Variants in PHACTR1 observed in about 807,000 individuals in gnomAD.
The protein encoded by PHACTR1 is phosphatase and actin regulator 1, also known as RPEL repeat containing 1.
PHACTR1 carries 16 observed loss-of-function variants against 69.2 expected under a neutral mutation model. The observed-to-expected ratio is 0.23, with a 90% CI of 0.16 to 0.35. The LOEUF (loss-of-function observed/expected upper bound fraction) is 0.35. PHACTR1 is among the 10% of genes least tolerant of loss of function. The probability of loss-of-function intolerance (pLI) is 1.00; values close to 1 mark genes in which losing one functional copy is unlikely to be tolerated. For synonymous variants in PHACTR1, 312 were observed against 284.5 expected (o/e 1.10, Z -0.97); for missense variants, 510 against 734.7 (o/e 0.69, Z 3.54).
At chr6:13,111,833 C>G (rs1817087241) in intron 5 of PHACTR1, among the ~76,000 whole-genome samples, 1 of 152,022 alleles carries the variant, frequency 6.6e-6, no homozygotes, top group African/African-American at 2.4e-5. Context: ...CCATATTTCC[C>G]TTTGATTTTC....
At chr6:12,718,904 G>C (rs974171614) in intron 3 of PHACTR1, 57 bp downstream of exon 3, 9 of 1,046,200 alleles carry the variant, frequency 8.6e-6, no homozygotes, top group Non-Finnish European at 1.3e-5. Flanking sequence ...TATATGAACA[G>C]CCATGTAGGC....
intron 6 of PHACTR1, among the ~76,000 whole-genome samples, chr6:13,170,854 G>C (rs1002098220): frequency 6.6e-6 from 1 of 152,104 alleles, no homozygotes; most frequent in Non-Finnish European, 1.5e-5. Flanking sequence ...CCTTCTCACT[G>C]TTCCCAGGCC....
chr6:13,048,945 T>C (rs938579315), intron 4 of PHACTR1, among the ~76,000 whole-genome samples: 3 of 152,192 alleles, frequency 2.0e-5, no homozygotes, highest in Non-Finnish European at 4.4e-5. Flanking sequence ...ATCAAATTAA[T>C]TGGAGAAAAA....
Position 13,231,135 on chromosome 6 carries a change from A to AAG in PHACTR1, c.1391+946_1391+947dup, listed in dbSNP as rs1487966873. On this transcript the variant is annotated intron_variant, in intron 10 of 14. Transcript: ENST00000332995. ...AAGGAAAGAGAGAAAGAAAGAAGGA[A>AAG]AGAGAAAGAAAGAAGGAAAGAGAAA... 1.6e-4 allele frequency among the ~76,000 whole-genome samples: 21 copies of AAG among 134,858 alleles called. 1 individual carries two copies. The highest frequency in any genetic ancestry group is 6.6e-4 in the African/African-American group (19 of 28,662). The allele number at this position is 134,858 out of a possible 152,430, so 88.5% of individuals were successfully genotyped here.
intron 7 of PHACTR1, chr6:13,184,746 C>A: frequency 7.5e-7 from 1 of 1,327,230 alleles, no homozygotes; most frequent in African/African-American, 1.5e-5. Flanking sequence ...GCTGGCCCCG[C>A]CTGCACTGCG....
intron 4 of PHACTR1, among the ~76,000 whole-genome samples, chr6:12,891,424 A>G (rs2127469159): frequency 6.6e-6 from 1 of 152,318 alleles, no homozygotes; most frequent in South Asian, 2.1e-4. Context: ...TTTCTTATAA[A>G]TATGGTGCTG....
At chr6:13,136,324 T>C (rs767370600) in intron 5 of PHACTR1, among the ~76,000 whole-genome samples, 30 of 152,252 alleles carry the variant, frequency 2.0e-4, no homozygotes, top group Non-Finnish European at 4.0e-4. Flanking sequence ...GACAGCTTCT[T>C]TCCTTAAAAC....
chr6:12,836,659 T>A (rs1237427145), intron 4 of PHACTR1, among the ~76,000 whole-genome samples: 1 of 152,194 alleles, frequency 6.6e-6, no homozygotes, highest in Non-Finnish European at 1.5e-5. Context: ...CATTCAGCAT[T>A]AATTGCTAGG....
intron 5 of PHACTR1, among the ~76,000 whole-genome samples, chr6:13,138,265 A>G (rs1165298000): frequency 6.6e-6 from 1 of 152,196 alleles, no homozygotes; most frequent in Non-Finnish European, 1.5e-5. Context: ...ATTACATGTC[A>G]AAGAGATGGC....
At chr6:12,966,106 G>A (rs1013193167) in intron 4 of PHACTR1, among the ~76,000 whole-genome samples, 4 of 152,134 alleles carry the variant, frequency 2.6e-5, no homozygotes, top group Admixed American at 2.6e-4. Flanking sequence ...GGGTGCAGGA[G>A]GACCCTGAAG....
chr6:12,925,722 C>G (rs1454367097), intron 4 of PHACTR1, among the ~76,000 whole-genome samples: 1 of 152,166 alleles, frequency 6.6e-6, no homozygotes, highest in Non-Finnish European at 1.5e-5. Context: ...ACTGATATTA[C>G]AGAAAGCCCA....
At chr6:13,051,323 A>G (rs982904528) in intron 4 of PHACTR1, among the ~76,000 whole-genome samples, 1 of 152,170 alleles carries the variant, frequency 6.6e-6, no homozygotes, top group African/African-American at 2.4e-5. Flanking sequence ...AGCATCTGGT[A>G]CAGAGTGGGC....
chr6:13,003,454 G>A (rs576249878), intron 4 of PHACTR1, among the ~76,000 whole-genome samples: 39 of 152,046 alleles, frequency 2.6e-4, no homozygotes, highest in Admixed American at 1.2e-3. Flanking sequence ...TCTATAAATT[G>A]AAAAGATAGA....
chr6:13,083,777 A>G (rs1227767551), intron 5 of PHACTR1, among the ~76,000 whole-genome samples: 6 of 152,006 alleles, frequency 3.9e-5, no homozygotes, highest in Admixed American at 3.3e-4. Context: ...AATGCTTGTG[A>G]TTTTTGTACA....
At chr6:12,956,242 C>G (rs1791883295) in intron 4 of PHACTR1, among the ~76,000 whole-genome samples, 1 of 152,202 alleles carries the variant, frequency 6.6e-6, no homozygotes, top group African/African-American at 2.4e-5. Flanking sequence ...GAGAGCTATG[C>G]AGATAGTTCA....
intron 4 of PHACTR1, among the ~76,000 whole-genome samples, chr6:12,861,126 A>G (rs937215493): frequency 2.6e-5 from 4 of 152,244 alleles, no homozygotes; most frequent in Non-Finnish European, 5.9e-5. Context: ...ACCAAAATGT[A>G]AACATTTTTG....
intron 6 of PHACTR1, among the ~76,000 whole-genome samples, chr6:13,178,667 T>C (rs971589903): frequency 6.6e-6 from 1 of 152,246 alleles, no homozygotes; most frequent in African/African-American, 2.4e-5. Context: ...TGCATTTTAC[T>C]AATTCTAATA....
chr6:12,931,549 G>C (rs1057310882), intron 4 of PHACTR1, among the ~76,000 whole-genome samples: 2 of 151,996 alleles, frequency 1.3e-5, no homozygotes, highest in Admixed American at 1.3e-4. Flanking sequence ...CATACTGTGG[G>C]GCATTGCTTA....
rs139873349 is a variant in PHACTR1 at position 12,806,749 on chromosome 6, G to T, written c.250+56959G>T. 5.1e-3 allele frequency among the ~76,000 whole-genome samples: 770 copies of T among 152,022 alleles called. 4 individuals carry two copies. The highest frequency in any genetic ancestry group is 0.018 in the African/African-American group (728 of 41,428). On this transcript the variant is annotated intron_variant, in intron 4 of 14. Transcript: ENST00000332995. Reference sequence around the variant, plus strand: ...AATAATTTTTTTATAAAACAGATCTGCATTATACATTTTCACCAGTAATAG... The same window carrying T: ...AATAATTTTTTTATAAAACAGATCTTCATTATACATTTTCACCAGTAATAG...
Sources: gnomAD v4.1 joint callset for allele counts (sites outside exome capture counted in the v4.1 genomes callset) on GRCh38, gnomAD v4.1.1 for gene constraint, MANE v1.5 for transcripts, NCBI Gene and HGNC (gene_info 2026-07-23, HGNC 2026-07-21) for gene names.